LCOR: variants seen among roughly 807,000 people sequenced by gnomAD.
LCOR encodes the protein ligand-dependent corepressor.
Under a neutral mutation model 64.4 loss-of-function variants are expected in LCOR, and 14 were observed. That is an observed-to-expected ratio of 0.22 (90% CI 0.14 to 0.34). LCOR has a LOEUF of 0.34. LCOR is among the 10% of genes least tolerant of loss of function. LCOR has a pLI of 1.00. For missense variants in LCOR, 1,686 were observed against 1,765.3 expected (o/e 0.96, Z 0.80); for synonymous variants, 643 against 642.5 (o/e 1.00, Z -0.01).
At chr10:96,835,336 C>A (rs962268998) in intron 2 of LCOR, among the ~76,000 whole-genome samples, 1 of 152,080 alleles carries the variant, frequency 6.6e-6, no homozygotes, top group Non-Finnish European at 1.5e-5. Context: ...ACTTTTAACT[C>A]CAAATTTCCA....
intron 2 of LCOR, among the ~76,000 whole-genome samples, 168 bp downstream of exon 2, chr10:96,833,647 T>C (rs2134353837): frequency 6.6e-6 from 1 of 152,328 alleles, no homozygotes; most frequent in East Asian, 1.9e-4. Flanking sequence ...CCACGCCCAG[T>C]CCTCGGGGAG....
intron 2 of LCOR, among the ~76,000 whole-genome samples, chr10:96,862,061 T>C (rs1195507510): frequency 2.0e-5 from 3 of 152,170 alleles, no homozygotes; most frequent in Non-Finnish European, 2.9e-5. Flanking sequence ...GAAGCACTTA[T>C]TTACAGTTAC....
intron 4 of LCOR, among the ~76,000 whole-genome samples, chr10:96,917,603 T>C (rs1236668431): frequency 1.3e-5 from 2 of 152,278 alleles, no homozygotes; most frequent in East Asian, 3.9e-4. Flanking sequence ...AGGATCTGTG[T>C]GTGTTTTAGA....
chr10:96,954,882 A>C, intron 7 of LCOR: 1 of 1,176,464 alleles, frequency 8.5e-7, no homozygotes, highest in Non-Finnish European at 1.2e-6. Flanking sequence ...CTAATAAAGG[A>C]GTGGTCCCCT....
chr10:96,893,040 T>C (rs1180839390), intron 2 of LCOR, among the ~76,000 whole-genome samples: 1 of 152,222 alleles, frequency 6.6e-6, no homozygotes, highest in Non-Finnish European at 1.5e-5. Flanking sequence ...TATTTTCTAG[T>C]GTACCATTTT....
chr10:96,913,953 T>A (rs1194093549), intron 4 of LCOR, among the ~76,000 whole-genome samples: 6 of 151,546 alleles, frequency 4.0e-5, no homozygotes, highest in Non-Finnish European at 8.8e-5. Context: ...GAAGAATATA[T>A]AAGTCTGGAT....
In LCOR at chr10:96,985,185, A is replaced by AT. The variant is rs1172471230; in HGVS notation, c.*55dup. On this transcript the variant is annotated 3_prime_UTR_variant, in exon 8 of 8. Coordinates refer to ENST00000421806, the MANE Select transcript of LCOR (RefSeq NM_001346516.2). ...AACTGTTCTATAGAAGTAACCTTTT[A>AT]TTTTGCATTAACTAAATCTGCTTTT... The AT allele has an allele frequency of 1.3e-6, 2 of 1,507,572 alleles. No individual in the cohort carries two copies. The highest frequency in any genetic ancestry group is 2.8e-5 in the African/African-American group (2 of 71,376). 93.4% of individuals were successfully genotyped at this position (1,507,572 alleles called of 1,614,324 possible).
chr10:96,839,309 A>G (rs1845498341), intron 2 of LCOR, among the ~76,000 whole-genome samples: 1 of 152,240 alleles, frequency 6.6e-6, no homozygotes, highest in South Asian at 2.1e-4. Context: ...CCATTTAAGA[A>G]CAAATACAGA....
chr10:96,846,589 G>A (rs12252435), intron 2 of LCOR, among the ~76,000 whole-genome samples: 22,101 of 152,114 alleles, frequency 0.15, 2,255 homozygotes, highest in African/African-American at 0.28. Context: ...TCAAAATAAA[G>A]CAAACAGGTA....
intron 2 of LCOR, among the ~76,000 whole-genome samples, chr10:96,865,498 G>A (rs369086738): frequency 1.1e-4 from 16 of 151,798 alleles, no homozygotes; most frequent in African/African-American, 1.9e-4. Context: ...TTTTTTTATC[G>A]TGTTTAATTG....
chr10:96,991,428 TG>T lies in LCOR; in HGVS notation c.*6295del, dbSNP rs1848199966. ...CAGTCTTCATTTTTATGAATCAGAG[TG>T]AACTTGACTGTGGTAGACATTCCAT... On this transcript the variant is annotated 3_prime_UTR_variant, in exon 8 of 8. Transcript: ENST00000421806. 1 of 152,192 alleles carries T rather than the reference TG, an allele frequency of 6.6e-6. No homozygotes were observed. The highest frequency in any genetic ancestry group is 2.1e-4 in the South Asian group (1 of 4,832). 9.4% of individuals were successfully genotyped at this position (152,192 alleles called of 1,614,324 possible). A position where few individuals can be genotyped will look rare whatever the true frequency, so the allele number is the denominator to read the frequency against.
rs543212055 is a variant in LCOR, at chr10:96,992,324, A to G, written c.*7190A>G. ...CTGTTCAGATACTTCTATAGAAAGT[A>G]TTTATTTTAACAAGAAAATTAACTG... On this transcript the variant is annotated 3_prime_UTR_variant, in exon 8 of 8. Coordinates refer to ENST00000421806, the MANE Select transcript of LCOR (RefSeq NM_001346516.2). 3.9e-5 allele frequency: 6 copies of G among 152,378 alleles called. No individual in the cohort carries two copies. In the South Asian group the frequency reaches 6.2e-4, roughly 16 times the overall value. 9.4% of individuals were successfully genotyped at this position (152,378 alleles called of 1,614,324 possible).
At chr10:96,836,107 G>A (rs1198939474) in intron 2 of LCOR, among the ~76,000 whole-genome samples, 1 of 152,222 alleles carries the variant, frequency 6.6e-6, no homozygotes, top group Admixed American at 6.5e-5. Flanking sequence ...GACAGCAGAT[G>A]AGTCTCTTTG....
At chr10:96,852,099 AT>A (rs1362446532) in intron 2 of LCOR, among the ~76,000 whole-genome samples, 1 of 152,220 alleles carries the variant, frequency 6.6e-6, no homozygotes, top group Non-Finnish European at 1.5e-5. Flanking sequence ...CATTCACAAA[AT>A]TTAAAAAATA....
chr10:96,980,162 C>CAA (rs5787211), intron 7 of LCOR, among the ~76,000 whole-genome samples: 2 of 145,706 alleles, frequency 1.4e-5, no homozygotes, highest in Non-Finnish European at 3.1e-5. Context: ...CAAAACAAAA[C>CAA]AAAAAAAAAA....
At position 96,854,475 on chromosome 10, in the gene LCOR, C is replaced by T. The variant is rs570209902; in HGVS notation, c.-330+20996C>T. 1.1e-4 allele frequency among the ~76,000 whole-genome samples: 17 copies of T among 152,132 alleles called. No individual in the cohort carries two copies. The South Asian group carries it at 1.9e-3, about 17-fold the overall frequency. On this transcript the variant is annotated intron_variant, in intron 2 of 7. Coordinates refer to ENST00000421806, the MANE Select transcript of LCOR (RefSeq NM_001346516.2). Reference sequence around the variant, plus strand: ...CCGAGTAGCTGGGATTATAGGCACCCGCCACCACACCCAGCTAATTTTTGT... The same window carrying T: ...CCGAGTAGCTGGGATTATAGGCACCTGCCACCACACCCAGCTAATTTTTGT...
intron 2 of LCOR, among the ~76,000 whole-genome samples, chr10:96,853,273 C>G (rs1845750261): frequency 6.6e-6 from 1 of 152,110 alleles, no homozygotes; most frequent in Admixed American, 6.6e-5. Flanking sequence ...CTCTTGAACT[C>G]CTGACCTCAA....
intron 2 of LCOR, among the ~76,000 whole-genome samples, chr10:96,848,445 G>T (rs980925126): frequency 4.6e-5 from 7 of 152,180 alleles, no homozygotes; most frequent in Non-Finnish European, 7.3e-5. Flanking sequence ...ATCACTTGAG[G>T]TCAGGAGTTG....
chr10:96,959,106 G>A (rs1255998494), intron 7 of LCOR: 1 of 152,068 alleles, frequency 6.6e-6, no homozygotes, highest in Admixed American at 6.5e-5. Context: ...TGGTGCCGCA[G>A]TGATTCCTTA....
Sources: allele counts gnomAD v4.1 joint callset (sites outside exome capture counted in the v4.1 genomes callset), GRCh38; gene constraint gnomAD v4.1.1; transcripts MANE v1.5; gene names NCBI Gene and HGNC (gene_info 2026-07-23, HGNC 2026-07-21).